Variants in TDRD3 observed in about 807,000 individuals in gnomAD.
TDRD3 encodes the protein tudor domain containing 3, also known as tudor domain-containing protein 3.
Under a neutral mutation model 86.7 loss-of-function variants are expected in TDRD3, and 45 were observed. That is an observed-to-expected ratio of 0.52 (90% CI 0.41 to 0.67). The LOEUF (loss-of-function observed/expected upper bound fraction) is 0.67. Ranked by LOEUF, TDRD3 falls within the 30% of genes least tolerant of loss-of-function variation. TDRD3 has a pLI of 0.00. For missense variants in TDRD3, 814 were observed against 889.0 expected (o/e 0.92, Z 1.07); for synonymous variants, 298 against 301.7 (o/e 0.99, Z 0.13).
At chr13:60,505,304 A>T (rs780891565) in intron 8 of TDRD3, among the ~76,000 whole-genome samples, 1 of 152,188 alleles carries the variant, frequency 6.6e-6, no homozygotes, top group African/African-American at 2.4e-5. Context: ...TTCCCCTCAC[A>T]GTGTAAACAA....
intron 6 of TDRD3, chr13:60,484,806 A>G: frequency 2.6e-6 from 1 of 390,582 alleles, no homozygotes; most frequent in Non-Finnish European, 5.0e-6. Context: ...AAAACAGTGT[A>G]AACATTCTAA....
At chr13:60,513,855 C>T (rs1212718389) in intron 10 of TDRD3, among the ~76,000 whole-genome samples, 1 of 152,134 alleles carries the variant, frequency 6.6e-6, no homozygotes, top group East Asian at 1.9e-4. Flanking sequence ...TATAAATTAC[C>T]CAGTCTCAGG....
chr13:60,559,688 G>A (rs1391767780), intron 12 of TDRD3, among the ~76,000 whole-genome samples: 1 of 152,164 alleles, frequency 6.6e-6, no homozygotes, highest in African/African-American at 2.4e-5. Flanking sequence ...ATCTAAAATA[G>A]TCAAACTCAT....
chr13:60,494,285 T>A, intron 7 of TDRD3, 150 bp from the exon 8 acceptor site: 1 of 837,350 alleles, frequency 1.2e-6, no homozygotes, highest in Non-Finnish European at 1.7e-6. Context: ...TTTTTGCTAT[T>A]CAAAAGGAGT....
chr13:60,515,391 C>G (rs1200497147), intron 10 of TDRD3, among the ~76,000 whole-genome samples: 1 of 152,178 alleles, frequency 6.6e-6, no homozygotes, highest in South Asian at 2.1e-4. Flanking sequence ...TGACCCTAAA[C>G]TCTCTTTGAT....
chr13:60,558,199 A>G (rs1372171711), intron 12 of TDRD3, among the ~76,000 whole-genome samples: 2 of 152,314 alleles, frequency 1.3e-5, no homozygotes, highest in South Asian at 2.1e-4. Context: ...GCCCAGTCAC[A>G]TACATAAAAT....
chr13:60,556,935 T>C lies in TDRD3; in HGVS notation c.2119-10590T>C, dbSNP rs925848784. ...TAGAAGTTCCAGAGGCCGGGTGCAGTGGCTGACGCCTGTAATCCCAACACT... is the reference window on the plus strand; with the variant it reads ...TAGAAGTTCCAGAGGCCGGGTGCAGCGGCTGACGCCTGTAATCCCAACACT... On this transcript the variant is annotated intron_variant, in intron 12 of 13. Coordinates refer to ENST00000377881, the MANE Select transcript of TDRD3 (RefSeq NM_001146070.2). 2.0e-5 allele frequency among the ~76,000 whole-genome samples: 3 copies of C among 152,202 alleles called. No homozygotes were observed. In the East Asian group the frequency reaches 5.8e-4, roughly 29 times the overall value.
intron 3 of TDRD3, among the ~76,000 whole-genome samples, chr13:60,457,004 ATT>A (rs1955690874): frequency 6.6e-6 from 1 of 152,242 alleles, no homozygotes; most frequent in African/African-American, 2.4e-5. Flanking sequence ...CCTTAAGATG[ATT>A]TTAGATTCAG....
At chr13:60,551,463 T>C (rs1311823340) in intron 12 of TDRD3, among the ~76,000 whole-genome samples, 1 of 152,188 alleles carries the variant, frequency 6.6e-6, no homozygotes, top group East Asian at 1.9e-4. Context: ...GTTCACCTCC[T>C]GAAAGTAATG....
chr13:60,552,961 C>T (rs1369342803), intron 12 of TDRD3, among the ~76,000 whole-genome samples: 1 of 152,200 alleles, frequency 6.6e-6, no homozygotes, highest in Non-Finnish European at 1.5e-5. Context: ...ATTTTTCCCT[C>T]CCAGGCCTTC....
chr13:60,493,401 C>T (rs1956642181), intron 7 of TDRD3, among the ~76,000 whole-genome samples: 1 of 152,028 alleles, frequency 6.6e-6, no homozygotes, highest in African/African-American at 2.4e-5. Flanking sequence ...GTGGCTCATG[C>T]CTGTAACTTC....
At chr13:60,469,946 C>A (rs1329339653) in intron 5 of TDRD3, among the ~76,000 whole-genome samples, 1 of 152,142 alleles carries the variant, frequency 6.6e-6, no homozygotes, top group African/African-American at 2.4e-5. Context: ...GCATTAAGAA[C>A]ATTCGCATTG....
At chr13:60,436,646 G>A (rs976075835) in intron 1 of TDRD3, among the ~76,000 whole-genome samples, 15 of 152,068 alleles carry the variant, frequency 9.9e-5, no homozygotes, top group Admixed American at 5.9e-4. Context: ...TTTTATACCA[G>A]TACCATGCTG....
At chr13:60,472,806 T>A (rs1956100054) in intron 5 of TDRD3, among the ~76,000 whole-genome samples, 1 of 152,142 alleles carries the variant, frequency 6.6e-6, no homozygotes, top group Non-Finnish European at 1.5e-5. Context: ...TGTGAGGTAC[T>A]GAAAGTAGCA....
At chr13:60,426,350 G>A (rs1317493376) in intron 1 of TDRD3, among the ~76,000 whole-genome samples, 2 of 152,000 alleles carry the variant, frequency 1.3e-5, no homozygotes, top group Non-Finnish European at 2.9e-5. Flanking sequence ...AACAAGTTGA[G>A]AGATGTACAA....
chr13:60,466,150 C>G (rs753704037), intron 4 of TDRD3, among the ~76,000 whole-genome samples: 9 of 151,616 alleles, frequency 5.9e-5, no homozygotes. Flanking sequence ...AAATAACTTT[C>G]ATTTGATCTT....
chr13:60,400,170 A>G (rs1191931931), intron 1 of TDRD3, among the ~76,000 whole-genome samples: 1 of 152,228 alleles, frequency 6.6e-6, no homozygotes, highest in Non-Finnish European at 1.5e-5. Flanking sequence ...TATGCATGGA[A>G]TAACTTCACG....
At chr13:60,429,260 G>A (rs897820164) in intron 1 of TDRD3, among the ~76,000 whole-genome samples, 2 of 151,948 alleles carry the variant, frequency 1.3e-5, no homozygotes, top group African/African-American at 4.8e-5. Context: ...AATGTACAGG[G>A]AATCGTTATG....
intron 1 of TDRD3, among the ~76,000 whole-genome samples, chr13:60,438,736 G>A (rs995223429): frequency 1.3e-4 from 20 of 152,048 alleles, no homozygotes; most frequent in Non-Finnish European, 4.4e-5. Flanking sequence ...CTAGTGTTGA[G>A]AGTTGATGGT....
Sources: allele counts gnomAD v4.1 joint callset (sites outside exome capture counted in the v4.1 genomes callset), GRCh38; gene constraint gnomAD v4.1.1; transcripts MANE v1.5; gene names NCBI Gene and HGNC (gene_info 2026-07-23, HGNC 2026-07-21).